CD1B: variants seen among roughly 807,000 people sequenced by gnomAD.
CD1B encodes CD1b molecule.
A neutral mutation model predicts 39.8 loss-of-function variants in CD1B; 43 were observed. That is an observed-to-expected ratio of 1.08 (90% CI 0.85 to 1.39). The LOEUF (loss-of-function observed/expected upper bound fraction) is 1.39. Ranked by LOEUF, CD1B falls within the 40% of genes most tolerant of loss-of-function variation. CD1B has a pLI of 0.00. For missense variants in CD1B, 495 were observed against 403.8 expected, an observed-to-expected ratio of 1.23 and a Z score of -1.94; for synonymous variants, 192 against 152.5, an observed-to-expected ratio of 1.26 and a Z score of -1.91.
At chr1:158,290,382 A>G in the CD1B span, among the ~76,000 whole-genome samples, 2 of 152,146 alleles carry the variant, frequency 1.3e-5, no homozygotes, top group African/African-American at 4.8e-5. Context: ...CGTTAAAACA[A>G]TCAGGGCCCA....
At chr1:158,320,155 G>A in the CD1B span, among the ~76,000 whole-genome samples, 2 of 152,228 alleles carry the variant, frequency 1.3e-5, no homozygotes, top group East Asian at 1.9e-4. Flanking sequence ...ACAGAGGCAG[G>A]CAGGCCTCCT....
the CD1B span, among the ~76,000 whole-genome samples, chr1:158,318,489 T>C: frequency 4.6e-5 from 7 of 152,228 alleles, no homozygotes; most frequent in African/African-American, 1.7e-4. Flanking sequence ...TTGCAATCCC[T>C]GCCTTTTTTT....
At chr1:158,290,069 T>TGTTTCTGCA in the CD1B span, 1 of 1,613,922 alleles carries the variant, frequency 6.2e-7, no homozygotes, top group Middle Eastern at 1.7e-4. Context: ...AATGACATGC[T>TGTTTCTGCA]GTTTCTGCAG....
chr1:158,319,326 C>G, the CD1B span, among the ~76,000 whole-genome samples: 2 of 152,110 alleles, frequency 1.3e-5, no homozygotes, highest in East Asian at 1.9e-4. Flanking sequence ...TTGGTCTTTT[C>G]ACATAGTCCC....
chr1:158,316,564 C>G, the CD1B span, among the ~76,000 whole-genome samples: 1 of 151,724 alleles, frequency 6.6e-6, no homozygotes, highest in Admixed American at 6.6e-5. Flanking sequence ...TGGGCTGAGA[C>G]AATGGGGTTT....
Position 158,330,871 on chromosome 1 carries a change from C to A in CD1B, c.253G>T (p.Glu85Ter). ...NFSDKEVAEL[E>*]EIFRVYIFGF... ...AAGATGTAGACTCGGAATATCTCCT[C>A]TAACTCAGCAACCTCCTTATCACTA... Residue 85 changes from glutamate (E) to a stop codon, truncating the protein, a stop_gained, in exon 2 of 6, where the codon GAG becomes TAG. Coordinates refer to ENST00000368168, the MANE Select transcript of CD1B (RefSeq NM_001764.3). LOFTEE classifies it high-confidence loss of function. 6.2e-7 allele frequency: 1 copy of A among 1,614,110 alleles called. No individual in the cohort carries two copies. The highest frequency in any genetic ancestry group is 8.5e-7 in the Non-Finnish European group (1 of 1,179,942).
At chr1:158,310,618 A>G in the CD1B span, among the ~76,000 whole-genome samples, 1 of 152,206 alleles carries the variant, frequency 6.6e-6, no homozygotes. Context: ...ATTAACAAGC[A>G]AAAAACCACA....
the CD1B span, among the ~76,000 whole-genome samples, chr1:158,294,345 A>G: frequency 6.6e-6 from 1 of 152,146 alleles, no homozygotes; most frequent in Non-Finnish European, 1.5e-5. Flanking sequence ...AATTCAACTA[A>G]TATTTTTTGG....
Position 158,329,903 on chromosome 1 carries a change from G to A in CD1B, c.556C>T (p.Arg186Ter), listed in dbSNP as rs370440810. 2.7e-5 allele frequency: 43 copies of A among 1,614,058 alleles called. 1 individual carries two copies. The South Asian group carries it at 3.4e-4, about 13-fold the overall frequency. Residue 186 changes from arginine (R) to a stop codon, truncating the protein, a stop_gained, in exon 3 of 6, where the codon CGA becomes TGA. Coordinates refer to ENST00000368168, the MANE Select transcript of CD1B (RefSeq NM_001764.3). LOFTEE classifies it high-confidence loss of function. ...VRILLYETCPRYLLGVLNAGK... is the reference protein window; with the variant it reads ...VRILLYETCP ...GCATTGAGGACGCCCAAGAGATATCGGGGGCAGGTTTCATAGAGGAGAATT... is the reference window on the plus strand; with the variant it reads ...GCATTGAGGACGCCCAAGAGATATCAGGGGCAGGTTTCATAGAGGAGAATT...
At position 158,329,954 on chromosome 1, in the gene CD1B, A is replaced by G; in HGVS notation, c.505T>C (p.Tyr169His). The change falls in exon 3 of 6, where the codon TAT becomes CAT. Residue 169 changes from tyrosine (Y) to histidine (H), a missense_variant. Transcript: ENST00000368168. ...CTCACAGTTTCCATGATACCTTGAT[A>G]TTGTATGATTAGTGCACAGAATTTC... Reference protein sequence around the residue: ...AQKFCALIIQYQGIMETVRIL... With the variant: ...AQKFCALIIQHQGIMETVRIL... The G allele has an allele frequency of 1.2e-6, 2 of 1,614,020 alleles. No individual in the cohort carries two copies.
chr1:158,286,211 G>A, the CD1B span, among the ~76,000 whole-genome samples: 130 of 152,244 alleles, frequency 8.5e-4, no homozygotes, highest in African/African-American at 2.9e-3. Context: ...TGTTCAGGCT[G>A]GGTTCTAATC....
the CD1B span, among the ~76,000 whole-genome samples, chr1:158,314,761 T>A: frequency 6.6e-6 from 1 of 151,782 alleles, no homozygotes; most frequent in Non-Finnish European, 1.5e-5. Context: ...ACCCACTAAC[T>A]CGTCATCTAG....
chr1:158,297,007 G>T, the CD1B span, among the ~76,000 whole-genome samples: 1 of 152,146 alleles, frequency 6.6e-6, no homozygotes, highest in Non-Finnish European at 1.5e-5. Flanking sequence ...GAGAGAGTGT[G>T]CAAACAATTG....
chr1:158,317,491 G>T, the CD1B span, among the ~76,000 whole-genome samples: 1 of 152,042 alleles, frequency 6.6e-6, no homozygotes, highest in Non-Finnish European at 1.5e-5. Flanking sequence ...TTGTATTTCC[G>T]TGGGATCGGT....
At chr1:158,290,931 TTGAGCA>T in the CD1B span, among the ~76,000 whole-genome samples, 110 of 152,238 alleles carry the variant, frequency 7.2e-4, 4 homozygotes, top group South Asian at 0.022. Flanking sequence ...TGGTTGCCAT[TTGAGCA>T]TACCTCTCTC....
the CD1B span, among the ~76,000 whole-genome samples, chr1:158,297,117 A>G: frequency 2.2e-4 from 34 of 152,330 alleles, no homozygotes; most frequent in South Asian, 6.6e-3. Context: ...GAGAGATACT[A>G]CACTAGAAAA....
chr1:158,308,348 A>C, the CD1B span, among the ~76,000 whole-genome samples: 2 of 152,218 alleles, frequency 1.3e-5, no homozygotes. Context: ...AAACAAATGG[A>C]AGAACATTCC....
the CD1B span, among the ~76,000 whole-genome samples, chr1:158,297,721 C>A: frequency 6.6e-6 from 1 of 152,078 alleles, no homozygotes. Flanking sequence ...TTGCTTGATC[C>A]TATGAGTTTG....
At chr1:158,297,799 G>A in the CD1B span, among the ~76,000 whole-genome samples, 1 of 152,038 alleles carries the variant, frequency 6.6e-6, no homozygotes, top group Non-Finnish European at 1.5e-5. Context: ...GCTAAGAATG[G>A]TGGCACATGC....
Sources: gnomAD v4.1 joint callset for allele counts (sites outside exome capture counted in the v4.1 genomes callset) on GRCh38, gnomAD v4.1.1 for gene constraint, MANE v1.5 for transcripts, NCBI Gene and HGNC (gene_info 2026-07-23, HGNC 2026-07-21) for gene names.